Variants in FIRRM observed in about 807,000 individuals in gnomAD.
FIRRM encodes FIGNL1-interacting regulator of recombination and mitosis.
chr1:169,829,103 C>T, the FIRRM span, among the ~76,000 whole-genome samples: 1 of 152,060 alleles, frequency 6.6e-6, no homozygotes, highest in Non-Finnish European at 1.5e-5. Flanking sequence ...ATATATTTTC[C>T]TTTTATGTGT....
the FIRRM span, among the ~76,000 whole-genome samples, chr1:169,813,737 A>G: frequency 6.6e-6 from 1 of 152,226 alleles, no homozygotes; most frequent in Non-Finnish European, 1.5e-5. Context: ...GCTCTTCAAG[A>G]AAGTCCATTG....
the FIRRM span, among the ~76,000 whole-genome samples, chr1:169,817,091 C>G: frequency 6.6e-6 from 1 of 151,432 alleles, no homozygotes; most frequent in Non-Finnish European, 1.5e-5. Flanking sequence ...AAAAATAAAA[C>G]AAAGAATCAG....
At chr1:169,810,892 G>A in the FIRRM span, among the ~76,000 whole-genome samples, 1,034 of 108,464 alleles carry the variant, frequency 9.5e-3, 17 homozygotes, top group African/African-American at 0.035. Context: ...TCGCTCTGTC[G>A]CCCAGGCCGG....
At chr1:169,836,041 C>G in the FIRRM span, among the ~76,000 whole-genome samples, 2 of 138,986 alleles carry the variant, frequency 1.4e-5, no homozygotes, top group Non-Finnish European at 3.0e-5. Flanking sequence ...AAAAGTTTCT[C>G]TGTCAGATTT....
the FIRRM span, among the ~76,000 whole-genome samples, chr1:169,801,864 C>G: frequency 6.6e-6 from 1 of 152,014 alleles, no homozygotes; most frequent in Non-Finnish European, 1.5e-5. Context: ...ATTTCTTGTA[C>G]TCATAGTCAC....
the FIRRM span, chr1:169,795,174 A>G: frequency 7.8e-6 from 12 of 1,535,946 alleles, 1 homozygote; most frequent in African/African-American, 2.7e-5. Flanking sequence ...CAGAGGAGCT[A>G]TGCCGCCGGG....
chr1:169,853,915 T>G, the FIRRM span: 1 of 889,220 alleles, frequency 1.1e-6, no homozygotes, highest in Non-Finnish European at 1.7e-6. Flanking sequence ...AACTTAGAGC[T>G]CTAACAGAAA....
At chr1:169,826,260 C>T in the FIRRM span, 16 of 156,018 alleles carry the variant, frequency 1.0e-4, no homozygotes, top group African/African-American at 2.7e-4. Flanking sequence ...TTAGTAGAGA[C>T]GAGGTTTCTC....
chr1:169,845,774 G>GTTAC, the FIRRM span, among the ~76,000 whole-genome samples: 1 of 152,162 alleles, frequency 6.6e-6, no homozygotes, highest in South Asian at 2.1e-4. Context: ...CACATCTGCA[G>GTTAC]TTACTTCCTC....
the FIRRM span, chr1:169,851,608 A>G: frequency 6.5e-6 from 4 of 613,494 alleles, no homozygotes; most frequent in Non-Finnish European, 1.1e-5. Context: ...TCCTGCAAAG[A>G]CAACTCTATA....
chr1:169,831,314 A>G, the FIRRM span, among the ~76,000 whole-genome samples: 1 of 152,200 alleles, frequency 6.6e-6, no homozygotes, highest in Admixed American at 6.5e-5. Flanking sequence ...TGTGTTCCAT[A>G]TAAGATGATT....
the FIRRM span, chr1:169,799,046 T>C: frequency 4.2e-6 from 2 of 477,796 alleles, no homozygotes; most frequent in Non-Finnish European, 7.4e-6. Flanking sequence ...CTTACAGTTT[T>C]GTATTCCCTT....
At chr1:169,853,027 A>G in the FIRRM span, 1 of 1,579,242 alleles carries the variant, frequency 6.3e-7, no homozygotes, top group Non-Finnish European at 8.7e-7. Flanking sequence ...TGCTTTGTCA[A>G]CTGAAAATAC....
chr1:169,838,131 C>G, the FIRRM span, among the ~76,000 whole-genome samples: 1 of 151,976 alleles, frequency 6.6e-6, no homozygotes, highest in African/African-American at 2.4e-5. Flanking sequence ...TAGAGACGGA[C>G]TTTCACCATG....
the FIRRM span, chr1:169,832,501 C>T: frequency 6.2e-7 from 1 of 1,610,792 alleles, no homozygotes; most frequent in South Asian, 1.1e-5. Flanking sequence ...GGCACCACCC[C>T]ATCAGGCAAG....
the FIRRM span, chr1:169,851,915 A>C: frequency 5.6e-6 from 9 of 1,614,092 alleles, no homozygotes; most frequent in South Asian, 2.2e-5. Context: ...CTGTAGAAGA[A>C]GCAAAGAGGT....
the FIRRM span, among the ~76,000 whole-genome samples, chr1:169,816,257 A>G: frequency 1.3e-5 from 2 of 152,208 alleles, no homozygotes; most frequent in African/African-American, 4.8e-5. Context: ...GAATTAGAAT[A>G]CTGATCCAGA....
chr1:169,806,120 A>G, the FIRRM span: 5 of 1,309,148 alleles, frequency 3.8e-6, no homozygotes, highest in Non-Finnish European at 5.4e-6. Context: ...TACTTTTTAG[A>G]AAATGTTTTC....
chr1:169,821,543 G>A, the FIRRM span: 42 of 499,872 alleles, frequency 8.4e-5, no homozygotes, highest in African/African-American at 1.2e-4. Context: ...ATATTTTCTC[G>A]GAAAAATTTT....
Sources: allele counts gnomAD v4.1 joint callset (sites outside exome capture counted in the v4.1 genomes callset), GRCh38; gene constraint gnomAD v4.1.1; transcripts MANE v1.5; gene names NCBI Gene and HGNC (gene_info 2026-07-23, HGNC 2026-07-21).